AGPAT5: variants seen among roughly 807,000 people sequenced by gnomAD.
AGPAT5 encodes 1-acylglycerol-3-phosphate O-acyltransferase 5, also known as 1-acyl-sn-glycerol-3-phosphate acyltransferase epsilon.
Under a neutral mutation model 45.6 loss-of-function variants are expected in AGPAT5, and 46 were observed. The observed-to-expected ratio is 1.01, with a 90% CI of 0.80 to 1.29. The LOEUF (loss-of-function observed/expected upper bound fraction) is 1.29. Among genes scored for constraint, AGPAT5 ranks in the 50% most tolerant of loss-of-function variants. AGPAT5 has a pLI of 0.00. For synonymous variants in AGPAT5, 272 were observed against 167.0 expected, an observed-to-expected ratio of 1.63 and a Z score of -4.85; for missense variants, 673 against 450.7, an observed-to-expected ratio of 1.49 and a Z score of -4.47.
Position 6,760,731 on chromosome 8 carries a change from TCA to T in AGPAT5, c.*3347_*3348del, listed in dbSNP as rs1394175254. 6.6e-6 allele frequency among the ~76,000 whole-genome samples: 1 copy of T among 152,228 alleles called. No individual in the cohort carries two copies. The highest frequency in any genetic ancestry group is 6.5e-5 in the Admixed American group (1 of 15,282). ...TGGGCCAGTTTTCATTACGAGTAAC[TCA>T]CACTTTTTGATTAAAGAACTTGAAA... On this transcript the variant is annotated 3_prime_UTR_variant, in exon 8 of 8. Coordinates refer to ENST00000285518, the MANE Select transcript of AGPAT5 (RefSeq NM_018361.5).
chr8:6,749,422 A>G (rs1239296909), intron 6 of AGPAT5, among the ~76,000 whole-genome samples: 1 of 152,208 alleles, frequency 6.6e-6, no homozygotes, highest in African/African-American at 2.4e-5. Context: ...GGTGTTTTTC[A>G]TTTTAGATGT....
intron 4 of AGPAT5, among the ~76,000 whole-genome samples, chr8:6,734,812 G>A (rs960971887): frequency 2.6e-5 from 4 of 151,928 alleles, no homozygotes; most frequent in Admixed American, 2.0e-4. Context: ...CACTGCATTT[G>A]GGTTTTGCTC....
rs1801977517 is a variant in AGPAT5 at position 6,759,976 on chromosome 8, T to A, written c.*2588T>A. Among the ~76,000 whole-genome samples the A allele has an allele frequency of 6.6e-6, 1 of 152,246 alleles. No homozygotes were observed. The highest frequency in any genetic ancestry group is 2.4e-5 in the African/African-American group (1 of 41,464). The stretch of plus-strand genomic sequence containing the variant: ...CTAAGTTGGTGAATAAAAGTGCCGA[T>A]CTGGCTAACTCTTACACCATACATA... On this transcript the variant is annotated 3_prime_UTR_variant, in exon 8 of 8. Coordinates refer to ENST00000285518, the MANE Select transcript of AGPAT5 (RefSeq NM_018361.5).
At chr8:6,753,948 T>G (rs1277123177) in intron 6 of AGPAT5, among the ~76,000 whole-genome samples, 1 of 152,070 alleles carries the variant, frequency 6.6e-6, no homozygotes, top group East Asian at 1.9e-4. Flanking sequence ...GGGAAGTGTG[T>G]GGGGTTGAAG....
intron 6 of AGPAT5, among the ~76,000 whole-genome samples, chr8:6,752,599 G>A (rs1801690747): frequency 6.6e-6 from 1 of 152,166 alleles, no homozygotes; most frequent in Admixed American, 6.5e-5. Flanking sequence ...AAGTAGACCT[G>A]TGACCTGTAC....
rs144705101 is a variant in AGPAT5, at chr8:6,710,049, A to G, written c.219+1162A>G. On this transcript the variant is annotated intron_variant, in intron 1 of 7. Transcript: ENST00000285518. ...GTCTAAATGTATGATTTTTATCATG[A>G]TTAAGTTTTTACTTCCACATCATGT... 2.3e-3 allele frequency among the ~76,000 whole-genome samples: 349 copies of G among 152,282 alleles called. 4 individuals are homozygous for G. Among genetic ancestry groups the G allele is most frequent in the South Asian group, 4.6e-3 (22 of 4,826 alleles).
intron 4 of AGPAT5, among the ~76,000 whole-genome samples, chr8:6,740,953 C>T (rs1049453048): frequency 6.6e-6 from 1 of 152,162 alleles, no homozygotes; most frequent in Non-Finnish European, 1.5e-5. Context: ...TAACTCAGTT[C>T]TCAAGCTAGG....
chr8:6,724,758 C>G, intron 1 of AGPAT5, 112 bp from the exon 2 acceptor site: 2 of 362,358 alleles, frequency 5.5e-6, no homozygotes, highest in South Asian at 1.9e-4. Flanking sequence ...TTTTGTTAAT[C>G]ATGGATGGAA....
intron 4 of AGPAT5, among the ~76,000 whole-genome samples, chr8:6,741,437 A>G (rs938813768): frequency 3.3e-5 from 5 of 152,162 alleles, no homozygotes; most frequent in Non-Finnish European, 5.9e-5. Flanking sequence ...CTGACCTACC[A>G]ATGAATGTAG....
intron 4 of AGPAT5, among the ~76,000 whole-genome samples, chr8:6,741,004 C>T (rs546400417): frequency 6.6e-6 from 1 of 152,194 alleles, no homozygotes; most frequent in East Asian, 1.9e-4. Context: ...TTTTTACTTT[C>T]CTAAGCAGAT....
chr8:6,719,343 G>T (rs1447250715), intron 1 of AGPAT5, among the ~76,000 whole-genome samples: 8 of 152,176 alleles, frequency 5.3e-5, no homozygotes, highest in Non-Finnish European at 1.2e-4. Flanking sequence ...CTACTTGCAG[G>T]ATCCTCAAGT....
At position 6,730,344 on chromosome 8, in the gene AGPAT5, TTTTTG is replaced by T. The variant is rs1587023835; in HGVS notation, c.290-366_290-362del. On this transcript the variant is annotated intron_variant, in intron 2 of 7. Transcript: ENST00000285518. Reference sequence around the variant, plus strand: ...TTTTTTTTTTTTTTTTTTTTTTTTTTTTTTGGAGACGGAGTCTCGCTGTCGCCCAG... The same window carrying T: ...TTTTTTTTTTTTTTTTTTTTTTTTTTGAGACGGAGTCTCGCTGTCGCCCAG... 2.0e-4 allele frequency among the ~76,000 whole-genome samples: 2 copies of T among 9,786 alleles called. 1 individual carries two copies. The highest frequency in any genetic ancestry group is 2.9e-4 in the Non-Finnish European group (2 of 6,802). The allele number at this position is 9,786 out of a possible 152,430, so 6.4% of individuals were successfully genotyped here.
At chr8:6,742,408 A>G (rs956746535) in intron 5 of AGPAT5, among the ~76,000 whole-genome samples, 7 of 152,224 alleles carry the variant, frequency 4.6e-5, no homozygotes, top group Admixed American at 2.0e-4. Context: ...ATTGGGAAGT[A>G]TACAGAAAAC....
chr8:6,747,638 CTAAT>C (rs1801517939), intron 5 of AGPAT5, 28 bp from the exon 6 acceptor site: 5 of 1,588,900 alleles, frequency 3.1e-6, no homozygotes, highest in Middle Eastern at 1.7e-4. Context: ...TGTTTTGTAA[CTAAT>C]TAATGACGGC....
chr8:6,730,018 A>G (rs1220364511), intron 2 of AGPAT5, among the ~76,000 whole-genome samples: 2 of 152,108 alleles, frequency 1.3e-5, no homozygotes, highest in Non-Finnish European at 2.9e-5. Flanking sequence ...TGCTGAACAT[A>G]TATATACACA....
intron 1 of AGPAT5, 44 bp downstream of exon 1, chr8:6,708,931 C>T: frequency 1.9e-6 from 3 of 1,558,880 alleles, no homozygotes; most frequent in Non-Finnish European, 1.7e-6. Flanking sequence ...CACCCGAGCT[C>T]CCGGGGGCGC....
intron 4 of AGPAT5, among the ~76,000 whole-genome samples, chr8:6,741,332 C>G (rs1801238500): frequency 6.6e-6 from 1 of 152,106 alleles, no homozygotes; most frequent in South Asian, 2.1e-4. Context: ...AGGGCAAAAA[C>G]TCATTGAGGC....
intron 1 of AGPAT5, among the ~76,000 whole-genome samples, chr8:6,712,951 T>C (rs1171756617): frequency 1.3e-5 from 2 of 152,186 alleles, no homozygotes; most frequent in South Asian, 2.1e-4. Context: ...AAACTGATCA[T>C]TGAAATTTGT....
chr8:6,713,872 C>G (rs1296607564), intron 1 of AGPAT5, among the ~76,000 whole-genome samples: 2 of 152,214 alleles, frequency 1.3e-5, no homozygotes, highest in South Asian at 4.1e-4. Context: ...CCAAGTTTCT[C>G]AGAAACAGTC....
Sources: gnomAD v4.1 joint callset for allele counts (sites outside exome capture counted in the v4.1 genomes callset) on GRCh38, gnomAD v4.1.1 for gene constraint, MANE v1.5 for transcripts, NCBI Gene and HGNC (gene_info 2026-07-23, HGNC 2026-07-21) for gene names.